Variants in MYO1D observed in about 807,000 individuals in gnomAD.
The protein encoded by MYO1D is myosin ID, also known as unconventional myosin-Id.
MYO1D carries 83 observed loss-of-function variants against 122.0 expected under a neutral mutation model. The ratio of observed to expected loss-of-function variants is 0.68; its 90% CI spans 0.57 to 0.82. MYO1D has a LOEUF of 0.82. Among genes scored for constraint, MYO1D ranks in the 40% least tolerant of loss-of-function variants. The pLI, the probability that MYO1D is intolerant of heterozygous loss-of-function variation, is 0.00. For synonymous variants in MYO1D, 464 were observed against 446.9 expected, an observed-to-expected ratio of 1.04 and a Z score of -0.48; for missense variants, 1,157 against 1,269.5, an observed-to-expected ratio of 0.91 and a Z score of 1.35.
At chr17:32,762,871 C>CA (rs1446284453) in intron 8 of MYO1D, among the ~76,000 whole-genome samples, 30 of 77,500 alleles carry the variant, frequency 3.9e-4, no homozygotes, top group East Asian at 1.1e-3. Flanking sequence ...GACACCGTCT[C>CA]AAAAAAAAAA....
At chr17:32,853,790 C>A (rs1598157107) in intron 1 of MYO1D, among the ~76,000 whole-genome samples, 3 of 152,246 alleles carry the variant, frequency 2.0e-5, no homozygotes, top group Middle Eastern at 6.8e-3. Context: ...TGAACCAATG[C>A]TCTAGAATCA....
chr17:32,811,748 T>C (rs1472409930), intron 1 of MYO1D, among the ~76,000 whole-genome samples: 1 of 151,630 alleles, frequency 6.6e-6, no homozygotes, highest in African/African-American at 2.4e-5. Context: ...TTGGTTAGTC[T>C]AAGGTAAAGC....
intron 1 of MYO1D, among the ~76,000 whole-genome samples, chr17:32,844,170 T>C (rs985716267): frequency 4.0e-5 from 6 of 149,014 alleles, no homozygotes; most frequent in Non-Finnish European, 7.4e-5. Context: ...ATAAAACATA[T>C]ACTGATAAGT....
intron 16 of MYO1D, among the ~76,000 whole-genome samples, chr17:32,691,375 C>T (rs1488661603): frequency 6.7e-6 from 1 of 150,270 alleles, no homozygotes; most frequent in Non-Finnish European, 1.5e-5. Context: ...TTATTTCCCA[C>T]TGTCATGAGA....
At chr17:32,516,303 C>T (rs974613832) in intron 21 of MYO1D, among the ~76,000 whole-genome samples, 1 of 152,182 alleles carries the variant, frequency 6.6e-6, no homozygotes, top group African/African-American at 2.4e-5. Context: ...GTGCCTCTTG[C>T]CCTGGAATCC....
chr17:32,810,801 C>T (rs1324912962), intron 1 of MYO1D, among the ~76,000 whole-genome samples: 1 of 152,188 alleles, frequency 6.6e-6, no homozygotes, highest in Non-Finnish European at 1.5e-5. Flanking sequence ...ACTCTGTCCA[C>T]TTATCACAAT....
At chr17:32,587,239 C>T (rs1025356443) in intron 21 of MYO1D, among the ~76,000 whole-genome samples, 16 of 152,184 alleles carry the variant, frequency 1.1e-4, no homozygotes. Context: ...AGGCCAGGGG[C>T]TGTGGCTCAC....
rs144563808 is a variant in MYO1D at position 32,765,153 on chromosome 17, C to T, written c.832-72G>A. On this transcript the variant is annotated intron_variant, in intron 7 of 21. Transcript: ENST00000318217. ...AGGATATATTTGCCAATATAAAATA[C>T]AATTCAGGTGACCTTGTTTGTACCT... 5.5e-6 allele frequency: 7 copies of T among 1,272,992 alleles called. No homozygotes were observed. In the African/African-American group the frequency reaches 7.4e-5, roughly 13 times the overall value. The allele number at this position is 1,272,992 out of a possible 1,614,324, so 78.9% of individuals were successfully genotyped here.
intron 3 of MYO1D, 86 bp downstream of exon 3, chr17:32,778,394 G>T: frequency 1.5e-6 from 2 of 1,311,014 alleles, no homozygotes; most frequent in African/African-American, 1.5e-5. Context: ...CCCCCAAAAT[G>T]CTCAACCCCT....
chr17:32,856,300 A>G (rs2091027201), intron 1 of MYO1D, among the ~76,000 whole-genome samples: 1 of 152,150 alleles, frequency 6.6e-6, no homozygotes, highest in East Asian at 1.9e-4. Flanking sequence ...TCCTTTGCAG[A>G]AGACTCTCTG....
chr17:32,535,005 C>A (rs770765857), intron 21 of MYO1D, among the ~76,000 whole-genome samples: 5 of 152,012 alleles, frequency 3.3e-5, no homozygotes, highest in Admixed American at 1.3e-4. Context: ...GAAAATCATT[C>A]GGCTAAGTCC....
intron 14 of MYO1D, 152 bp downstream of exon 14, chr17:32,738,101 T>C: frequency 3.2e-6 from 2 of 624,866 alleles, no homozygotes; most frequent in Non-Finnish European, 4.8e-6. Flanking sequence ...TTTTTAAAAA[T>C]GCAGGAATAA....
intron 17 of MYO1D, 52 bp downstream of exon 17, chr17:32,659,063 G>A: frequency 1.3e-6 from 2 of 1,505,600 alleles, no homozygotes; most frequent in South Asian, 1.1e-5. Flanking sequence ...ACTTTGCATA[G>A]TATTAACTGT....
At chr17:32,766,303 C>A (rs1277929313) in intron 7 of MYO1D, among the ~76,000 whole-genome samples, 1 of 152,190 alleles carries the variant, frequency 6.6e-6, no homozygotes, top group African/African-American at 2.4e-5. Flanking sequence ...AGCACATTAA[C>A]CAATCAGTTG....
At chr17:32,588,454 T>C (rs755321216) in intron 21 of MYO1D, among the ~76,000 whole-genome samples, 1 of 152,206 alleles carries the variant, frequency 6.6e-6, no homozygotes, top group Non-Finnish European at 1.5e-5. Flanking sequence ...TTTTTTCTGC[T>C]CCACTTAATA....
intron 19 of MYO1D, among the ~76,000 whole-genome samples, chr17:32,643,213 G>A (rs892307073): frequency 6.6e-6 from 1 of 152,116 alleles, no homozygotes; most frequent in Admixed American, 6.5e-5. Flanking sequence ...CTGTTTATAT[G>A]CTGGATTACG....
intron 19 of MYO1D, among the ~76,000 whole-genome samples, chr17:32,641,743 T>C (rs978851765): frequency 1.3e-5 from 2 of 152,232 alleles, no homozygotes; most frequent in Non-Finnish European, 2.9e-5. Context: ...TTTTGAGAAG[T>C]GTCTGTTCAT....
chr17:32,742,853 C>T (rs1191550546), intron 13 of MYO1D, among the ~76,000 whole-genome samples: 1 of 152,164 alleles, frequency 6.6e-6, no homozygotes, highest in East Asian at 1.9e-4. Flanking sequence ...AACACAATGT[C>T]TCTATATTCT....
intron 21 of MYO1D, among the ~76,000 whole-genome samples, chr17:32,512,527 G>A (rs993447967): frequency 6.6e-6 from 1 of 152,080 alleles, no homozygotes; most frequent in African/African-American, 2.4e-5. Flanking sequence ...CCCTGCAAGG[G>A]TGTGGCCTCT....
Sources: gnomAD v4.1 joint callset for allele counts (sites outside exome capture counted in the v4.1 genomes callset) on GRCh38, gnomAD v4.1.1 for gene constraint, MANE v1.5 for transcripts, NCBI Gene and HGNC (gene_info 2026-07-23, HGNC 2026-07-21) for gene names.